REEP3: variants seen among roughly 807,000 people sequenced by gnomAD.
The protein encoded by REEP3 is receptor expression-enhancing protein 3.
REEP3 carries 20 observed loss-of-function variants against 41.3 expected under a neutral mutation model. That is an observed-to-expected ratio of 0.48 (90% CI 0.34 to 0.70). The LOEUF (loss-of-function observed/expected upper bound fraction) is 0.70, where lower values mean the gene tolerates loss of function less well. Ranked by LOEUF, REEP3 falls within the 30% of genes least tolerant of loss-of-function variation. The pLI, the probability that REEP3 is intolerant of heterozygous loss-of-function variation, is 0.01. For missense variants in REEP3, 271 were observed against 308.8 expected (o/e 0.88, Z 0.92); for synonymous variants, 104 against 101.8 (o/e 1.02, Z -0.13).
At chr10:63,609,935 T>C (rs980320167) in intron 5 of REEP3, among the ~76,000 whole-genome samples, 1 of 152,166 alleles carries the variant, frequency 6.6e-6, no homozygotes, top group Non-Finnish European at 1.5e-5. Flanking sequence ...AATATGATGC[T>C]GAAATGTTGA....
intron 1 of REEP3, among the ~76,000 whole-genome samples, chr10:63,559,832 G>C (rs757440685): frequency 6.6e-6 from 1 of 152,060 alleles, no homozygotes; most frequent in Non-Finnish European, 1.5e-5. Flanking sequence ...CGTAGCATTA[G>C]TTAAAATAGA....
intron 5 of REEP3, among the ~76,000 whole-genome samples, chr10:63,603,261 C>G (rs369955881): frequency 1.5e-5 from 2 of 129,382 alleles, no homozygotes; most frequent in African/African-American, 3.0e-5. Flanking sequence ...TGCAGTGAGC[C>G]GAGATCGCGC....
At chr10:63,560,645 A>G (rs1420717091) in intron 1 of REEP3, among the ~76,000 whole-genome samples, 2 of 152,244 alleles carry the variant, frequency 1.3e-5, no homozygotes, top group Non-Finnish European at 2.9e-5. Flanking sequence ...GAAATGAGGC[A>G]AAGAGGAAAG....
At chr10:63,588,725 G>A (rs1956030485) in intron 2 of REEP3, among the ~76,000 whole-genome samples, 1 of 152,188 alleles carries the variant, frequency 6.6e-6, no homozygotes. Flanking sequence ...TTTGTTAGAT[G>A]TGCTTATGAT....
chr10:63,536,308 G>T (rs1033213941), intron 1 of REEP3, among the ~76,000 whole-genome samples: 1 of 152,170 alleles, frequency 6.6e-6, no homozygotes, highest in Admixed American at 6.5e-5. Context: ...TTCATCAGAT[G>T]TGTACACTCA....
chr10:63,572,387 A>G (rs1018131042), intron 2 of REEP3, among the ~76,000 whole-genome samples: 6 of 151,992 alleles, frequency 3.9e-5, no homozygotes, highest in Non-Finnish European at 2.9e-5. Context: ...CATGTGTGAC[A>G]TGGTGGTTTG....
In REEP3 at chr10:63,562,458, C is replaced by T. The variant is rs182096562; in HGVS notation, c.33-3880C>T. The T allele has an allele frequency of 6.9e-4, 293 of 424,888 alleles. 2 individuals carry two copies. The highest frequency in any genetic ancestry group is 4.6e-3 in the African/African-American group (223 of 48,898). 26.3% of individuals were successfully genotyped at this position (424,888 alleles called of 1,614,324 possible). A position where few individuals can be genotyped will look rare whatever the true frequency, so the allele number is the denominator to read the frequency against. On this transcript the variant is annotated intron_variant, in intron 1 of 7. Coordinates refer to ENST00000373758, the MANE Select transcript of REEP3 (RefSeq NM_001001330.3). ...TTTTAGTAGAGACAGGGTTTCCCCA[C>T]GTTGGCCAAGCTGGTCTCGAACTCC...
intron 2 of REEP3, among the ~76,000 whole-genome samples, chr10:63,575,990 C>T (rs762219943): frequency 8.5e-5 from 13 of 152,214 alleles, no homozygotes; most frequent in African/African-American, 1.7e-4. Flanking sequence ...GCCTTGGCCT[C>T]CCAAAGTGCT....
intron 1 of REEP3, among the ~76,000 whole-genome samples, chr10:63,547,171 C>T (rs1277928749): frequency 6.6e-6 from 1 of 152,172 alleles, no homozygotes; most frequent in Non-Finnish European, 1.5e-5. Flanking sequence ...CTGCCTGCCT[C>T]AGCCTCCCAA....
intron 1 of REEP3, among the ~76,000 whole-genome samples, chr10:63,549,839 T>G (rs1955611862): frequency 6.6e-6 from 1 of 152,124 alleles, no homozygotes; most frequent in Admixed American, 6.5e-5. Context: ...GAAGGAGGCA[T>G]TCCAGCTAAG....
At chr10:63,588,570 T>C (rs1022657086) in intron 2 of REEP3, among the ~76,000 whole-genome samples, 1 of 152,214 alleles carries the variant, frequency 6.6e-6, no homozygotes, top group African/African-American at 2.4e-5. Context: ...ATTCCCACAT[T>C]CATTCACCAA....
chr10:63,541,013 T>C (rs980738724), intron 1 of REEP3, among the ~76,000 whole-genome samples: 13 of 152,236 alleles, frequency 8.5e-5, no homozygotes, highest in Non-Finnish European at 1.5e-4. Context: ...TTCTGGGCAG[T>C]GGATCTAGGG....
At chr10:63,594,967 C>A in intron 3 of REEP3, 113 bp downstream of exon 3, 1 of 728,852 alleles carries the variant, frequency 1.4e-6, no homozygotes, top group South Asian at 1.6e-5. Context: ...ACCTAATTAT[C>A]CACCCATTTG....
intron 2 of REEP3, among the ~76,000 whole-genome samples, chr10:63,581,572 C>G (rs1236941198): frequency 6.6e-6 from 1 of 151,988 alleles, no homozygotes; most frequent in African/African-American, 2.4e-5. Context: ...AAGACTCTGT[C>G]TCTACAGAAA....
At chr10:63,537,029 G>A (rs901556479) in intron 1 of REEP3, among the ~76,000 whole-genome samples, 1 of 152,116 alleles carries the variant, frequency 6.6e-6, no homozygotes, top group South Asian at 2.1e-4. Flanking sequence ...AAGAAATTTG[G>A]CATATGCATC....
Position 63,620,893 on chromosome 10 carries a change from A to G in REEP3, c.*24A>G. ...AGTCATCTACACGTCAAATATCCCA[A>G]GACAGATTATGCTAAATACATCGAC... is the stretch of plus-strand genomic sequence containing the variant. On this transcript the variant is annotated 3_prime_UTR_variant, in exon 8 of 8. Coordinates refer to ENST00000373758, the MANE Select transcript of REEP3 (RefSeq NM_001001330.3). The G allele has an allele frequency of 6.6e-7, 1 of 1,511,682 alleles. No homozygotes were observed. The highest frequency in any genetic ancestry group is 9.1e-7 in the Non-Finnish European group (1 of 1,093,178). 93.6% of individuals were successfully genotyped at this position (1,511,682 alleles called of 1,614,324 possible). A position where few individuals can be genotyped will look rare whatever the true frequency, so the allele number is the denominator to read the frequency against.
intron 1 of REEP3, among the ~76,000 whole-genome samples, chr10:63,554,667 C>T (rs1955660894): frequency 6.6e-6 from 1 of 152,136 alleles, no homozygotes. Flanking sequence ...GCACCTACCT[C>T]GCCTATGAAT....
chr10:63,589,285 A>G (rs1044004638), intron 2 of REEP3, among the ~76,000 whole-genome samples: 2 of 150,900 alleles, frequency 1.3e-5, no homozygotes, highest in African/African-American at 4.9e-5. Flanking sequence ...GGTGTTTCAA[A>G]GGGCTAACAG....
At position 63,562,474 on chromosome 10, in the gene REEP3, C is replaced by T. The variant is rs531477476; in HGVS notation, c.33-3864C>T. The T allele has an allele frequency of 1.6e-4, 70 of 441,034 alleles. 1 individual carries two copies. The highest frequency in any genetic ancestry group is 1.1e-3 in the South Asian group (69 of 62,270). 27.3% of individuals were successfully genotyped at this position (441,034 alleles called of 1,614,324 possible). A position where few individuals can be genotyped will look rare whatever the true frequency, so the allele number is the denominator to read the frequency against. On this transcript the variant is annotated intron_variant, in intron 1 of 7. Transcript: ENST00000373758. ...GTTTCCCCACGTTGGCCAAGCTGGTCTCGAACTCCTGACCTCAGGTAATCC... is the reference window on the plus strand; with the variant it reads ...GTTTCCCCACGTTGGCCAAGCTGGTTTCGAACTCCTGACCTCAGGTAATCC...
Sources: allele counts gnomAD v4.1 joint callset (sites outside exome capture counted in the v4.1 genomes callset), GRCh38; gene constraint gnomAD v4.1.1; transcripts MANE v1.5; gene names NCBI Gene and HGNC (gene_info 2026-07-23, HGNC 2026-07-21).